The following CASP10 variants were observed in gnomAD, a reference collection of about 807,000 sequenced individuals.
CASP10 encodes caspase 10, also known as caspase-10.
Under a neutral mutation model 48.5 loss-of-function variants are expected in CASP10, and 41 were observed. The observed-to-expected ratio is 0.85, with a 90% CI of 0.66 to 1.10. The LOEUF (loss-of-function observed/expected upper bound fraction) is 1.10, where lower values mean the gene tolerates loss of function less well. Ranked by LOEUF, CASP10 falls within the 50% of genes least tolerant of loss-of-function variation. The probability of loss-of-function intolerance (pLI) is 0.00; values close to 1 mark genes in which losing one functional copy is unlikely to be tolerated. For synonymous variants in CASP10, 232 were observed against 238.4 expected (o/e 0.97, Z 0.25); for missense variants, 614 against 614.5 (o/e 1.00, Z 0.01).
At chr2:201,224,213 C>T (rs965962990), downstream of CASP10, among the ~76,000 whole-genome samples, 6 of 151,914 alleles carry the variant, frequency 3.9e-5, no homozygotes, top group South Asian at 2.1e-4. Flanking sequence ...CCTCGTGATC[C>T]GCCCGCCTTG....
intron 4 of CASP10, among the ~76,000 whole-genome samples, chr2:201,194,018 C>G (rs1465808812): frequency 6.6e-6 from 1 of 152,130 alleles, no homozygotes; most frequent in East Asian, 1.9e-4. Flanking sequence ...TATTATGGCT[C>G]TCTCAGAGAG....
chr2:201,193,188 T>C, intron 4 of CASP10, 69 bp downstream of exon 4: 1 of 1,487,938 alleles, frequency 6.7e-7, no homozygotes, highest in Non-Finnish European at 9.4e-7. Context: ...CCATGCATGA[T>C]GTTTTGATTA....
In CASP10 at chr2:201,219,399, G is replaced by A; in HGVS notation, c.*1658G>A. 1 of 977,774 alleles carries A rather than the reference G, an allele frequency of 1.0e-6. No homozygotes were observed. Among genetic ancestry groups the A allele is most frequent in the Non-Finnish European group, 1.2e-6 (1 of 822,978 alleles). 60.6% of individuals were successfully genotyped at this position (977,774 alleles called of 1,614,324 possible). The stretch of plus-strand genomic sequence containing the variant: ...TTGAAACCCAGGAGTGGATAACACT[G>A]GCTTCAGGCAAAGCTTGAATCAGGA... On this transcript the variant is annotated 3_prime_UTR_variant, in exon 10 of 10. Transcript: ENST00000286186.
intron 7 of CASP10, among the ~76,000 whole-genome samples, chr2:201,206,582 T>A (rs1215755676): frequency 6.8e-6 from 1 of 147,788 alleles, no homozygotes; most frequent in African/African-American, 2.5e-5. Flanking sequence ...TATATATATA[T>A]ACTTATATAT....
chr2:201,203,672 T>C, intron 5 of CASP10, 58 bp from the exon 6 acceptor site: 7 of 1,464,696 alleles, frequency 4.8e-6, no homozygotes, highest in Non-Finnish European at 6.7e-6. Context: ...TAGTTTTTGT[T>C]CCTCATCCTA....
At position 201,219,832 on chromosome 2, in the gene CASP10, T is replaced by TA; in HGVS notation, c.*2092dup. ...AAGTCCTGTGGTTAACGCCTTCATT[T>TA]ATAGATGAGGCAGCTGAGGCCTGGG... On this transcript the variant is annotated 3_prime_UTR_variant, in exon 10 of 10. Transcript: ENST00000286186. The TA allele has an allele frequency of 2.0e-6, 2 of 985,114 alleles. No individual in the cohort carries two copies. Among genetic ancestry groups the TA allele is most frequent in the South Asian group, 9.4e-5 (2 of 21,278 alleles). 61.0% of individuals were successfully genotyped at this position (985,114 alleles called of 1,614,324 possible).
chr2:201,203,776 T>A lies in CASP10; in HGVS notation c.721+10T>A, dbSNP rs752753538. On this transcript the variant is annotated intron_variant, in intron 6 of 9. Coordinates refer to ENST00000286186, the MANE Select transcript of CASP10 (RefSeq NM_032977.4). ...CATGCAGGTAGTAATGGTAGGTATT[T>A]CTAATGTACTTTTTACAACTTAGAT... The A allele has an allele frequency of 6.2e-7, 1 of 1,611,054 alleles. No homozygotes were observed. The highest frequency in any genetic ancestry group is 2.2e-5 in the East Asian group (1 of 44,866).
At chr2:201,226,644 T>C (rs1402312037), downstream of CASP10, among the ~76,000 whole-genome samples, 1 of 150,164 alleles carries the variant, frequency 6.7e-6, no homozygotes, top group Non-Finnish European at 1.5e-5. Context: ...TACCAGGAGA[T>C]AAGGAGGAAG....
At chr2:201,213,619 G>A (rs1945472676) in intron 9 of CASP10, 1 of 152,150 alleles carries the variant, frequency 6.6e-6, no homozygotes, top group Non-Finnish European at 1.5e-5. Context: ...AGTAATGTTT[G>A]ACGTCCTCGA....
chr2:201,212,093 C>T (rs144375125), intron 9 of CASP10, among the ~76,000 whole-genome samples: 1 of 152,282 alleles, frequency 6.6e-6, no homozygotes, highest in African/African-American at 2.4e-5. Flanking sequence ...GGATCACAGG[C>T]ATGTGCCACC....
chr2:201,225,809 A>G (rs1193210681), downstream of CASP10, among the ~76,000 whole-genome samples: 2 of 151,938 alleles, frequency 1.3e-5, no homozygotes, highest in African/African-American at 4.8e-5. Flanking sequence ...TGTCTGTACT[A>G]AAAAAAATTA....
At chr2:201,227,172 T>G (rs988094987) in intron 9 of CASP10, among the ~76,000 whole-genome samples, 4 of 152,132 alleles carry the variant, frequency 2.6e-5, no homozygotes, top group Non-Finnish European at 5.9e-5. Context: ...GTGCTAGATG[T>G]GGGGATATTC....
At chr2:201,221,897 C>T (rs1396201793), downstream of CASP10, among the ~76,000 whole-genome samples, 1 of 152,204 alleles carries the variant, frequency 6.6e-6, no homozygotes, top group African/African-American at 2.4e-5. Flanking sequence ...TGGATCTACC[C>T]AGACATCAGA....
chr2:201,191,552 A>G (rs1485953722), intron 3 of CASP10, among the ~76,000 whole-genome samples: 1 of 152,228 alleles, frequency 6.6e-6, no homozygotes, highest in Non-Finnish European at 1.5e-5. Context: ...TTTCCACACC[A>G]GGGCTCAGTG....
In CASP10 at chr2:201,209,383, C is replaced by T. The variant is rs756348445; in HGVS notation, c.1236C>T (p.Ile412=). ...AAGAGATACAGCCTTCCGTATCCAT[C>T]GAAGCAGATGCTCTGAACCCTGAGC... ...QGEEIQPSVS[I]EADALNPEQA... Residue 412 remains isoleucine, a synonymous_variant, in exon 9 of 10, where the codon ATC becomes ATT. Transcript: ENST00000286186. The T allele has an allele frequency of 9.9e-6, 16 of 1,614,028 alleles. No homozygotes were observed. Among genetic ancestry groups the T allele is most frequent in the South Asian group, 2.2e-5 (2 of 91,086 alleles).
chr2:201,227,123 G>A lies in CASP10; in HGVS notation c.1416-1810G>A, dbSNP rs139055300. Among the ~76,000 whole-genome samples the A allele has an allele frequency of 1.3e-4, 20 of 152,190 alleles. No homozygotes were observed. The East Asian group carries it at 2.7e-3, about 21-fold the overall frequency. On this transcript the variant is annotated intron_variant, in intron 9 of 9. Transcript: ENST00000272879. ...ATGCCAATGGGGAGGAATTACAGGGGCTTCAAATGCATCAGTCATGTTTTA... is the reference window on the plus strand; with the variant it reads ...ATGCCAATGGGGAGGAATTACAGGGACTTCAAATGCATCAGTCATGTTTTA...
chr2:201,186,137 C>A lies in CASP10; in HGVS notation c.347+13C>A. On this transcript the variant is annotated intron_variant, in intron 2 of 9. Transcript: ENST00000286186. ...TTTCTCTGTTTAGGTGAGGACGGGT[C>A]TGTGGTGGAGATGGGAGGATCTCCC... 1 of 1,593,022 alleles carries A rather than the reference C, an allele frequency of 6.3e-7. No homozygotes were observed. Among genetic ancestry groups the A allele is most frequent in the Non-Finnish European group, 8.6e-7 (1 of 1,163,120 alleles).
At chr2:201,193,734 G>A (rs929062780) in intron 4 of CASP10, among the ~76,000 whole-genome samples, 2 of 152,168 alleles carry the variant, frequency 1.3e-5, no homozygotes, top group South Asian at 2.1e-4. Context: ...ATTCTAATAT[G>A]GGAGTGAGAG....
rs533744725 is a variant in CASP10 at position 201,190,783 on chromosome 2, ATGT to A, written c.442-2199_442-2197del. 9.9e-5 allele frequency among the ~76,000 whole-genome samples: 15 copies of A among 151,114 alleles called. 1 individual carries two copies. The highest frequency in any genetic ancestry group is 3.4e-4 in the African/African-American group (14 of 40,844). On this transcript the variant is annotated intron_variant, in intron 3 of 9. Transcript: ENST00000286186. ...GTTTTCAAACAAGAAAAGCTGGAAA[ATGT>A]TTTTTTTTCTCTTTTGCTTGCACAG...
Sources: allele counts gnomAD v4.1 joint callset (sites outside exome capture counted in the v4.1 genomes callset), GRCh38; gene constraint gnomAD v4.1.1; transcripts MANE v1.5; gene names NCBI Gene and HGNC (gene_info 2026-07-23, HGNC 2026-07-21).